CSMD1: variants seen among roughly 807,000 people sequenced by gnomAD.
CSMD1 encodes the protein CUB and sushi domain-containing protein 1.
CSMD1 carries 213 observed loss-of-function variants against 417.5 expected under a neutral mutation model. The observed-to-expected ratio is 0.51, with a 90% CI of 0.46 to 0.57. CSMD1 has a LOEUF of 0.57. Among genes scored for constraint, CSMD1 ranks in the 20% least tolerant of loss-of-function variants. The probability of loss-of-function intolerance (pLI) is 0.00; values close to 1 mark genes in which losing one functional copy is unlikely to be tolerated. For synonymous variants in CSMD1, 2,862 were observed against 1,736.8 expected (o/e 1.65, Z -16.11); for missense variants, 6,923 against 4,529.7 (o/e 1.53, Z -15.17).
intron 3 of CSMD1, among the ~76,000 whole-genome samples, chr8:4,096,251 G>A (rs1801002892): frequency 1.3e-5 from 2 of 152,074 alleles, no homozygotes; most frequent in African/African-American, 2.4e-5. Flanking sequence ...GACTTTCCCT[G>A]CTAGCTCTTG....
chr8:3,086,628 CA>C (rs966436520), intron 49 of CSMD1, among the ~76,000 whole-genome samples: 2 of 150,614 alleles, frequency 1.3e-5, no homozygotes, highest in Middle Eastern at 3.4e-3. Context: ...GATAAAATGC[CA>C]AAAAAAAGGC....
At chr8:4,139,264 T>A (rs376155896) in intron 3 of CSMD1, among the ~76,000 whole-genome samples, 37,975 of 140,846 alleles carry the variant, frequency 0.27, 6,650 homozygotes, top group Non-Finnish European at 0.36. Context: ...TGCATCAGTG[T>A]AAAGTGTTGC....
chr8:4,537,866 A>G (rs1301416011), intron 2 of CSMD1, among the ~76,000 whole-genome samples: 1 of 152,176 alleles, frequency 6.6e-6, no homozygotes, highest in East Asian at 1.9e-4. Context: ...TGCTTTGATC[A>G]CATAGGATTT....
At chr8:4,585,436 G>C (rs1374525930) in intron 2 of CSMD1, among the ~76,000 whole-genome samples, 1 of 152,062 alleles carries the variant, frequency 6.6e-6, no homozygotes, top group Non-Finnish European at 1.5e-5. Flanking sequence ...ACAAAACGTG[G>C]AATATGGGCA....
intron 5 of CSMD1, among the ~76,000 whole-genome samples, chr8:3,775,869 G>A (rs557267795): frequency 2.0e-5 from 3 of 152,180 alleles, no homozygotes; most frequent in Non-Finnish European, 4.4e-5. Flanking sequence ...TGGGTCCTGA[G>A]ACCTCTCTCC....
chr8:3,957,871 G>A (rs76859045), intron 5 of CSMD1, among the ~76,000 whole-genome samples: 5 of 152,314 alleles, frequency 3.3e-5, no homozygotes, highest in Admixed American at 1.3e-4. Context: ...ATTTGGAGCC[G>A]ATGTGGGGCT....
chr8:4,300,012 C>T (rs1305232787), intron 3 of CSMD1, among the ~76,000 whole-genome samples: 2 of 152,110 alleles, frequency 1.3e-5, no homozygotes, highest in Non-Finnish European at 2.9e-5. Flanking sequence ...CATAAATCTA[C>T]AAGTTTGTAT....
At chr8:4,499,624 C>A (rs1041522550) in intron 2 of CSMD1, among the ~76,000 whole-genome samples, 1 of 152,204 alleles carries the variant, frequency 6.6e-6, no homozygotes, top group East Asian at 1.9e-4. Context: ...TACATTATTA[C>A]TTCATTATAT....
At chr8:4,753,887 G>C (rs962696962) in intron 1 of CSMD1, among the ~76,000 whole-genome samples, 11 of 152,150 alleles carry the variant, frequency 7.2e-5, no homozygotes, top group Non-Finnish European at 2.9e-5. Flanking sequence ...CTAGAAGGTG[G>C]CAGGGAGTTG....
intron 3 of CSMD1, among the ~76,000 whole-genome samples, chr8:4,226,804 A>G (rs1801387100): frequency 3.9e-5 from 6 of 152,232 alleles, no homozygotes; most frequent in Admixed American, 2.6e-4. Context: ...CATTAGTGCA[A>G]GAGTAAAGTT....
intron 5 of CSMD1, among the ~76,000 whole-genome samples, chr8:3,966,872 C>G (rs1255702002): frequency 2.6e-5 from 4 of 152,202 alleles, no homozygotes; most frequent in African/African-American, 2.4e-5. Context: ...GCATACAACA[C>G]ACTGGATGTA....
intron 2 of CSMD1, among the ~76,000 whole-genome samples, chr8:4,612,309 T>G (rs1226536502): frequency 1.3e-5 from 2 of 152,186 alleles, no homozygotes; most frequent in African/African-American, 4.8e-5. Context: ...CTTGTTTCCT[T>G]TTTTGAAGTT....
intron 2 of CSMD1, among the ~76,000 whole-genome samples, chr8:4,452,099 G>C (rs901449745): frequency 1.3e-5 from 2 of 152,090 alleles, no homozygotes; most frequent in Non-Finnish European, 2.9e-5. Context: ...TAGAAATTTA[G>C]GGCAGTGTGA....
At chr8:4,424,326 A>G (rs937276679) in intron 2 of CSMD1, among the ~76,000 whole-genome samples, 2 of 151,918 alleles carry the variant, frequency 1.3e-5, no homozygotes, top group African/African-American at 4.8e-5. Context: ...TATACCATGA[A>G]CTCTCCAGAC....
chr8:3,316,796 G>A (rs922434343), intron 23 of CSMD1, among the ~76,000 whole-genome samples: 1 of 152,108 alleles, frequency 6.6e-6, no homozygotes, highest in East Asian at 1.9e-4. Flanking sequence ...AGCGTGCAGT[G>A]GGGGGAAGGC....
intron 1 of CSMD1, among the ~76,000 whole-genome samples, chr8:4,670,247 G>C (rs935686818): frequency 1.3e-5 from 2 of 152,196 alleles, no homozygotes; most frequent in African/African-American, 2.4e-5. Flanking sequence ...ATGTAGAAGA[G>C]GCATGGCCTT....
intron 5 of CSMD1, among the ~76,000 whole-genome samples, chr8:3,902,372 G>C (rs1807813698): frequency 6.6e-6 from 1 of 152,116 alleles, no homozygotes. Flanking sequence ...AAAAACATGT[G>C]ATCTGAGGCA....
In CSMD1 at chr8:4,370,825, T is replaced by C. The variant is rs77979752; in HGVS notation, c.415+49128A>G. 3.3e-3 allele frequency among the ~76,000 whole-genome samples: 497 copies of C among 152,310 alleles called. 3 individuals are homozygous for C. The highest frequency in any genetic ancestry group is 0.011 in the African/African-American group (477 of 41,564). On this transcript the variant is annotated intron_variant, in intron 3 of 69. Coordinates refer to ENST00000635120, the MANE Select transcript of CSMD1 (RefSeq NM_033225.6). ...AATGGTTATGTTGGCTTCCAACTCTTAGATCATTTTATTGTTTTCCTTGGA... is the reference window on the plus strand; with the variant it reads ...AATGGTTATGTTGGCTTCCAACTCTCAGATCATTTTATTGTTTTCCTTGGA...
intron 5 of CSMD1, among the ~76,000 whole-genome samples, chr8:3,979,575 G>A (rs758534548): frequency 7.9e-5 from 12 of 152,200 alleles, no homozygotes; most frequent in South Asian, 2.1e-4. Context: ...CCTACAGGAA[G>A]ATGGGATCAT....
Sources: gnomAD v4.1 joint callset for allele counts (sites outside exome capture counted in the v4.1 genomes callset) on GRCh38, gnomAD v4.1.1 for gene constraint, MANE v1.5 for transcripts, NCBI Gene and HGNC (gene_info 2026-07-23, HGNC 2026-07-21) for gene names.